DNMT3B: variants seen among roughly 807,000 people sequenced by gnomAD.
DNMT3B encodes the protein DNA methyltransferase 3 beta, also known as DNA (cytosine-5)-methyltransferase 3B.
Under a neutral mutation model 120.2 loss-of-function variants are expected in DNMT3B, and 37 were observed. The observed-to-expected ratio is 0.31, with a 90% CI of 0.24 to 0.40. The LOEUF (loss-of-function observed/expected upper bound fraction) is 0.40, where lower values mean the gene tolerates loss of function less well. Ranked by LOEUF, DNMT3B falls within the 10% of genes least tolerant of loss-of-function variation. The pLI is 1.00. For missense variants in DNMT3B, 878 were observed against 1,137.3 expected (o/e 0.77, Z 3.28); for synonymous variants, 412 against 442.8 (o/e 0.93, Z 0.87).
chr20:32,778,595 C>A (rs1988191487), intron 1 of DNMT3B, among the ~76,000 whole-genome samples: 1 of 152,206 alleles, frequency 6.6e-6, no homozygotes, highest in African/African-American at 2.4e-5. Context: ...TGCACCTCTG[C>A]CTGGGGGCGC....
chr20:32,806,440 T>C, intron 22 of DNMT3B, 113 bp downstream of exon 22: 1 of 986,032 alleles, frequency 1.0e-6, no homozygotes, highest in Non-Finnish European at 1.6e-6. Flanking sequence ...TTGGTGTTAC[T>C]GGGGCGAGGA....
At chr20:32,792,794 C>T (rs1455967258) in intron 9 of DNMT3B, 24 bp downstream of exon 9, 4 of 1,613,592 alleles carry the variant, frequency 2.5e-6, no homozygotes, top group Non-Finnish European at 3.4e-6. Flanking sequence ...CCCATGGCAG[C>T]ACCCGCTGCC....
chr20:32,788,941 G>A lies in DNMT3B; in HGVS notation c.742G>A (p.Ala248Thr), dbSNP rs901993836. Residue 248 changes from alanine (A) to threonine (T), a missense_variant, in exon 7 of 23, where the codon GCC (alanine) becomes ACC (threonine). Coordinates refer to ENST00000328111, the MANE Select transcript of DNMT3B (RefSeq NM_006892.4). ...WWPAMVVSWK[A>T]TSKRQAMSGM... ...GCCCGCCATGGTGGTGTCTTGGAAG[G>A]CCACCTCCAAGCGACAGGCTATGTC... 6.2e-7 allele frequency: 1 copy of A among 1,613,932 alleles called. No homozygotes were observed. The highest frequency in any genetic ancestry group is 1.7e-5 in the Admixed American group (1 of 60,000).
chr20:32,779,927 A>C, intron 1 of DNMT3B: 1 of 692,278 alleles, frequency 1.4e-6, no homozygotes. Context: ...GAGGCTGAGC[A>C]GGGAGAGGGG....
intron 5 of DNMT3B, 82 bp from the exon 6 acceptor site, chr20:32,787,148 A>AG (rs1979383866): frequency 6.6e-7 from 1 of 1,521,228 alleles, no homozygotes; most frequent in Non-Finnish European, 9.1e-7. Context: ...CTTTTTGCCT[A>AG]GGAGCCATAT....
intron 1 of DNMT3B, among the ~76,000 whole-genome samples, chr20:32,765,157 ATAC>A (rs1987233487): frequency 6.6e-6 from 1 of 152,236 alleles, no homozygotes; most frequent in Non-Finnish European, 1.5e-5. Context: ...GCCCAGGCAC[ATAC>A]TACTAATTGA....
chr20:32,796,992 T>C, intron 13 of DNMT3B, 123 bp downstream of exon 13: 1 of 1,612,722 alleles, frequency 6.2e-7, no homozygotes, highest in East Asian at 2.2e-5. Flanking sequence ...CCTTGCACTC[T>C]GCCTCTGGGG....
rs776044883 is a variant in DNMT3B at position 32,792,756 on chromosome 20, A to C, written c.1052A>C (p.Asn351Thr). ...KPTGIEGLKP[N>T]NTQPVVNKSK... ...ACTGGGATCGAGGGCCTCAAACCCA[A>C]CAACACGCAACCAGGTGGGAATGAG... Residue 351 changes from asparagine (N) to threonine (T), a missense_variant, in exon 9 of 23, where the codon AAC (asparagine) becomes ACC (threonine). Asn to Thr is a moderately conservative substitution (Grantham distance 65). Transcript: ENST00000328111. The C allele has an allele frequency of 1.9e-6, 3 of 1,614,006 alleles. No individual in the cohort carries two copies. The highest frequency in any genetic ancestry group is 2.5e-6 in the Non-Finnish European group (3 of 1,180,006).
At chr20:32,787,787 A>G (rs572205862) in intron 6 of DNMT3B, among the ~76,000 whole-genome samples, 1 of 152,314 alleles carries the variant, frequency 6.6e-6, no homozygotes, top group Non-Finnish European at 1.5e-5. Context: ...TGTGTGAGCA[A>G]TAAAGCTGTT....
Position 32,808,232 on chromosome 20 carries a change from A to C in DNMT3B, c.*329A>C. 1 of 418,894 alleles carries C rather than the reference A, an allele frequency of 2.4e-6. No individual in the cohort carries two copies. The highest frequency in any genetic ancestry group is 4.4e-6 in the Non-Finnish European group (1 of 225,256). 25.9% of individuals were successfully genotyped at this position (418,894 alleles called of 1,614,324 possible). ...TCCTGGGTCTACCACTCAGAGAAAC[A>C]ATGGCTAAGATACCAAAACCACAGT... On this transcript the variant is annotated 3_prime_UTR_variant, in exon 23 of 23. Transcript: ENST00000328111.
chr20:32,765,758 C>CTTTTTTTT (rs532836566), intron 1 of DNMT3B, among the ~76,000 whole-genome samples: 5 of 67,112 alleles, frequency 7.5e-5, no homozygotes, highest in African/African-American at 2.1e-4. Context: ...TTCTTTTTTT[C>CTTTTTTTT]TTTTTTTTTT....
rs1237706309 is a variant in DNMT3B at position 32,798,563 on chromosome 20, T to C, written c.1594T>C (p.Cys532Arg). 6.2e-7 allele frequency: 1 copy of C among 1,614,214 alleles called. No individual in the cohort carries two copies. The highest frequency in any genetic ancestry group is 8.5e-7 in the Non-Finnish European group (1 of 1,180,038). The stretch of plus-strand genomic sequence containing the variant: ...CTGTTACATGTGTCTCCCGCAGCGC[T>C]GTCATGGCGTCCTGCGGCGCCGGAA... The part of the protein sequence containing the change: ...WSCYMCLPQR[C>R]HGVLRRRKDW... Residue 532 changes from cysteine (C) to arginine (R), a missense_variant, in exon 15 of 23, where the codon TGT becomes CGT. Transcript: ENST00000328111.
chr20:32,806,197 T>G lies in DNMT3B; in HGVS notation c.2302-12T>G. The G allele has an allele frequency of 6.2e-7, 1 of 1,613,202 alleles. No homozygotes were observed. Among genetic ancestry groups the G allele is most frequent in the East Asian group, 2.2e-5 (1 of 44,878 alleles). ...TTCTGTGCTCACTCCATGATGTCAT[T>G]TTGTTCTCCAGTTAAAGAAAGTACA... On this transcript the variant is annotated splice_polypyrimidine_tract_variant and intron_variant, in intron 21 of 22. Transcript: ENST00000328111.
At chr20:32,766,831 T>A (rs1353863334) in intron 1 of DNMT3B, among the ~76,000 whole-genome samples, 3 of 152,046 alleles carry the variant, frequency 2.0e-5, no homozygotes, top group Non-Finnish European at 4.4e-5. Context: ...ATCCTCCTCA[T>A]CCTCTCAAAG....
rs559830973 is a variant in DNMT3B at position 32,806,042 on chromosome 20, C to G, written c.2302-167C>G. ...TCCCTGCCCTGCCATTCCTCTCCCG[C>G]GCCTGCCCTCTCCCTTCCATCTTTC... On this transcript the variant is annotated intron_variant, in intron 21 of 22. Coordinates refer to ENST00000328111, the MANE Select transcript of DNMT3B (RefSeq NM_006892.4). Among the ~76,000 whole-genome samples the G allele has an allele frequency of 2.0e-5, 3 of 152,230 alleles. No homozygotes were observed. The East Asian group carries it at 5.8e-4, about 29-fold the overall frequency.
At chr20:32,793,100 A>G (rs1392356930) in intron 9 of DNMT3B, among the ~76,000 whole-genome samples, 1 of 146,564 alleles carries the variant, frequency 6.8e-6, no homozygotes, top group Non-Finnish European at 1.5e-5. Flanking sequence ...GGAAAGTGTT[A>G]AAGAAGAATA....
At chr20:32,770,283 T>G (rs1438356364) in intron 1 of DNMT3B, among the ~76,000 whole-genome samples, 1 of 151,956 alleles carries the variant, frequency 6.6e-6, no homozygotes, top group Non-Finnish European at 1.5e-5. Context: ...AGGCTAGTTT[T>G]TGTAATTTTT....
At chr20:32,765,750 CTTT>C (rs1208508674) in intron 1 of DNMT3B, among the ~76,000 whole-genome samples, 18 of 108,448 alleles carry the variant, frequency 1.7e-4, no homozygotes, top group African/African-American at 6.0e-4. Flanking sequence ...TTTATTTTTT[CTTT>C]TTTTCTTTTT....
At chr20:32,788,022 G>A (rs1014808648) in intron 6 of DNMT3B, among the ~76,000 whole-genome samples, 1 of 152,136 alleles carries the variant, frequency 6.6e-6, no homozygotes, top group African/African-American at 2.4e-5. Context: ...ATCACTTAAG[G>A]CAAGGACCGG....
Sources: gnomAD v4.1 joint callset for allele counts (sites outside exome capture counted in the v4.1 genomes callset) on GRCh38, gnomAD v4.1.1 for gene constraint, MANE v1.5 for transcripts, NCBI Gene and HGNC (gene_info 2026-07-23, HGNC 2026-07-21) for gene names.